PEAK1: variants seen among roughly 807,000 people sequenced by gnomAD.
PEAK1 encodes inactive tyrosine-protein kinase PEAK1.
A neutral mutation model predicts 124.7 loss-of-function variants in PEAK1; 54 were observed. The observed-to-expected ratio is 0.43, with a 90% CI of 0.35 to 0.54. The LOEUF (loss-of-function observed/expected upper bound fraction) is 0.54, where lower values mean the gene tolerates loss of function less well. PEAK1 is among the 20% of genes least tolerant of loss of function. The probability of loss-of-function intolerance (pLI) is 0.01; values close to 1 mark genes in which losing one functional copy is unlikely to be tolerated. For synonymous variants in PEAK1, 719 were observed against 760.0 expected (o/e 0.95, Z 0.89); for missense variants, 2,046 against 2,134.5 (o/e 0.96, Z 0.82).
At chr15:77,271,528 C>G (rs1017994666) in intron 5 of PEAK1, among the ~76,000 whole-genome samples, 2 of 152,126 alleles carry the variant, frequency 1.3e-5, no homozygotes, top group African/African-American at 4.8e-5. Context: ...TTGGTACCAA[C>G]CCAAATGTCC....
intron 5 of PEAK1, 31 bp from the exon 6 acceptor site, chr15:77,252,557 G>C (rs2060927144): frequency 1.0e-5 from 10 of 957,862 alleles, no homozygotes; most frequent in Non-Finnish European, 1.2e-5. Flanking sequence ...AGCAAAACTG[G>C]AGAGTAATAT....
chr15:77,260,351 T>C (rs888510311), intron 5 of PEAK1, among the ~76,000 whole-genome samples: 1 of 152,122 alleles, frequency 6.6e-6, no homozygotes, highest in African/African-American at 2.4e-5. Flanking sequence ...TTCATAAATA[T>C]TTATCATTTA....
chr15:77,189,795 T>G (rs2057743096), intron 6 of PEAK1, among the ~76,000 whole-genome samples: 1 of 152,204 alleles, frequency 6.6e-6, no homozygotes, highest in South Asian at 2.1e-4. Context: ...CCTTGCTCTG[T>G]TCCTCTTCTC....
chr15:77,232,631 A>G (rs2059955492), intron 6 of PEAK1, among the ~76,000 whole-genome samples: 1 of 152,170 alleles, frequency 6.6e-6, no homozygotes, highest in Non-Finnish European at 1.5e-5. Context: ...TGCCTTTTCT[A>G]CCTTTACAAT....
chr15:77,202,344 C>T (rs1303409477), intron 6 of PEAK1, among the ~76,000 whole-genome samples: 1 of 152,128 alleles, frequency 6.6e-6, no homozygotes, highest in Non-Finnish European at 1.5e-5. Flanking sequence ...CTACTAATAG[C>T]CTGCTGCTGA....
chr15:77,259,973 T>C (rs1349100699), intron 5 of PEAK1, among the ~76,000 whole-genome samples: 1 of 152,194 alleles, frequency 6.6e-6, no homozygotes, highest in Non-Finnish European at 1.5e-5. Context: ...AGCATTTAGC[T>C]AGATAAAAAC....
intron 1 of PEAK1, among the ~76,000 whole-genome samples, chr15:77,372,134 C>T (rs981352219): frequency 2.6e-4 from 39 of 152,162 alleles, no homozygotes; most frequent in African/African-American, 8.9e-4. Context: ...GAAGAGATAT[C>T]CAATAGATGT....
Position 77,109,175 on chromosome 15 carries a change from T to TA in PEAK1, c.*4980dup, listed in dbSNP as rs1291101476. 1 of 152,100 alleles carries TA rather than the reference T, an allele frequency of 6.6e-6. No individual in the cohort carries two copies. Among genetic ancestry groups the TA allele is most frequent in the African/African-American group, 2.4e-5 (1 of 41,400 alleles). The allele number at this position is 152,100 out of a possible 1,614,324, so 9.4% of individuals were successfully genotyped here. Reference sequence around the variant, plus strand: ...ACCTATTTAAACTACCATATCTCTTTAAAAAAATCTTCCGCTCTCAGTATT... The same window carrying TA: ...ACCTATTTAAACTACCATATCTCTTTAAAAAAAATCTTCCGCTCTCAGTATT... On this transcript the variant is annotated 3_prime_UTR_variant, in exon 10 of 10. Coordinates refer to ENST00000682557, the MANE Select transcript of PEAK1 (RefSeq NM_001385026.1).
intron 6 of PEAK1, among the ~76,000 whole-genome samples, chr15:77,184,902 T>C (rs1199010620): frequency 7.8e-6 from 1 of 128,582 alleles, no homozygotes; most frequent in Non-Finnish European, 1.7e-5. Context: ...CTCATAGAAC[T>C]ACGCACTTAA....
intron 6 of PEAK1, among the ~76,000 whole-genome samples, chr15:77,191,424 C>T (rs755020440): frequency 2.0e-5 from 3 of 152,158 alleles, no homozygotes; most frequent in Non-Finnish European, 2.9e-5. Context: ...TCTTGACATA[C>T]CAATTGGGCA....
At chr15:77,364,495 T>A (rs1278549151) in intron 2 of PEAK1, among the ~76,000 whole-genome samples, 1 of 152,086 alleles carries the variant, frequency 6.6e-6, no homozygotes, top group Non-Finnish European at 1.5e-5. Flanking sequence ...AATAATCTGT[T>A]GACAATGATA....
intron 8 of PEAK1, among the ~76,000 whole-genome samples, chr15:77,136,950 T>C (rs2053386621): frequency 6.6e-6 from 1 of 152,222 alleles, no homozygotes; most frequent in Non-Finnish European, 1.5e-5. Flanking sequence ...AGGGTCCCCT[T>C]GCTGTGTGCA....
Position 77,387,034 on chromosome 15 carries a change from A to G in PEAK1, c.-665-21809T>C, listed in dbSNP as rs118133196. Among the ~76,000 whole-genome samples, 52 of 152,350 alleles carry G rather than the reference A, an allele frequency of 3.4e-4. 1 individual carries two copies. In the East Asian group the frequency reaches 9.4e-3, roughly 28 times the overall value. On this transcript the variant is annotated intron_variant, in intron 1 of 9. Coordinates refer to ENST00000682557, the MANE Select transcript of PEAK1 (RefSeq NM_001385026.1). ...TGTTAACTCAATAAAGTGCAGACGT[A>G]TAAGTTTGTAAACATTCCTAATACA...
downstream of PEAK1, chr15:77,105,351 T>TGCGC (rs1425117648): frequency 1.5e-4 from 17 of 115,742 alleles, no homozygotes; most frequent in African/African-American, 5.1e-4. Flanking sequence ...TGTGTGTGTG[T>TGCGC]GTGTGTGCGC....
intron 1 of PEAK1, among the ~76,000 whole-genome samples, chr15:77,387,370 C>A (rs1375141518): frequency 6.6e-6 from 1 of 152,130 alleles, no homozygotes; most frequent in Non-Finnish European, 1.5e-5. Flanking sequence ...GGTAAGAATT[C>A]CCTCATACTA....
intron 5 of PEAK1, among the ~76,000 whole-genome samples, chr15:77,269,250 A>G (rs2061900505): frequency 6.6e-6 from 1 of 152,170 alleles, no homozygotes; most frequent in Admixed American, 6.6e-5. Flanking sequence ...TTCAGTAACT[A>G]AGTATCTGCT....
At position 77,181,871 on chromosome 15, in the gene PEAK1, T is replaced by C. The variant is rs1484921914; in HGVS notation, c.56A>G (p.Asn19Ser). The C allele has an allele frequency of 6.2e-7, 1 of 1,605,470 alleles. No homozygotes were observed. The highest frequency in any genetic ancestry group is 2.2e-5 in the East Asian group (1 of 44,708). ...GTGCAAACTTTTAGGTTTAAAGCAA[T>C]TCTTGCATTCACCAGGTTTCCAAAC... is the stretch of plus-strand genomic sequence containing the variant. The part of the protein sequence containing the change: ...EHVWKPGECK[N>S]CFKPKSLHQL... Residue 19 changes from asparagine (N) to serine (S), a missense_variant, in exon 7 of 10, where the codon AAT becomes AGT. Coordinates refer to ENST00000682557, the MANE Select transcript of PEAK1 (RefSeq NM_001385026.1).
downstream of PEAK1, chr15:77,108,104 C>T (rs2050785102): frequency 6.6e-6 from 1 of 152,258 alleles, no homozygotes; most frequent in Non-Finnish European, 1.5e-5. Context: ...TGCAACCAAA[C>T]CCTCCCCAGC....
At chr15:77,396,700 G>A (rs1191666719) in intron 1 of PEAK1, among the ~76,000 whole-genome samples, 1 of 152,096 alleles carries the variant, frequency 6.6e-6, no homozygotes, top group Non-Finnish European at 1.5e-5. Context: ...TAATGATGAA[G>A]GGGTCAACTC....
Sources: gnomAD v4.1 joint callset for allele counts (sites outside exome capture counted in the v4.1 genomes callset) on GRCh38, gnomAD v4.1.1 for gene constraint, MANE v1.5 for transcripts, NCBI Gene and HGNC (gene_info 2026-07-23, HGNC 2026-07-21) for gene names.